Variants in TLE2 observed in about 807,000 individuals in gnomAD.
TLE2 encodes the protein transducin-like enhancer protein 2.
TLE2 carries 74 observed loss-of-function variants against 97.2 expected under a neutral mutation model. The ratio of observed to expected loss-of-function variants is 0.76; its 90% CI spans 0.63 to 0.92. TLE2 has a LOEUF of 0.92. Ranked by LOEUF, TLE2 falls within the 40% of genes least tolerant of loss-of-function variation. The pLI, the probability that TLE2 is intolerant of heterozygous loss-of-function variation, is 0.00. For missense variants in TLE2, 1,038 were observed against 1,008.7 expected (o/e 1.03, Z -0.39); for synonymous variants, 499 against 432.1 (o/e 1.15, Z -1.92).
At chr19:3,035,126 G>C (rs1474947780) in intron 1 of TLE2, among the ~76,000 whole-genome samples, 1 of 152,206 alleles carries the variant, frequency 6.6e-6, no homozygotes, top group Non-Finnish European at 1.5e-5. Flanking sequence ...CTTAGTGTGT[G>C]ATCCGCCAGG....
chr19:3,045,631 A>T, intron 1 of TLE2: 1 of 368,066 alleles, frequency 2.7e-6, no homozygotes, highest in Admixed American at 3.0e-5. Context: ...AGCCTGGCCA[A>T]CATGGTGAAA....
At chr19:3,047,251 C>A (rs911222670), upstream of TLE2, among the ~76,000 whole-genome samples, 8 of 141,382 alleles carry the variant, frequency 5.7e-5, no homozygotes, top group African/African-American at 2.1e-4. Flanking sequence ...AGGTCGCCCG[C>A]GGCGCAGTCG....
chr19:3,044,367 G>A (rs1376807725), intron 1 of TLE2, among the ~76,000 whole-genome samples: 1 of 152,130 alleles, frequency 6.6e-6, no homozygotes, highest in African/African-American at 2.4e-5. Context: ...CTGGCCTGTA[G>A]GGCAGGCAGG....
At chr19:3,042,132 C>T (rs973543831) in intron 1 of TLE2, among the ~76,000 whole-genome samples, 1 of 141,210 alleles carries the variant, frequency 7.1e-6, no homozygotes, top group Non-Finnish European at 1.5e-5. Flanking sequence ...CCCCGGGACC[C>T]GAGAAGGGGG....
chr19:3,016,346 C>T (rs1200500450), intron 8 of TLE2, among the ~76,000 whole-genome samples: 5 of 143,442 alleles, frequency 3.5e-5, no homozygotes, highest in Non-Finnish European at 6.0e-5. Context: ...GAGGCCGAGG[C>T]GGGCGGATCA....
chr19:3,019,356 G>A lies in TLE2; in HGVS notation c.477C>T (p.Ala159=), dbSNP rs1440489636. 1.9e-6 allele frequency: 3 copies of A among 1,564,324 alleles called. No individual in the cohort carries two copies. The highest frequency in any genetic ancestry group is 2.6e-6 in the Non-Finnish European group (3 of 1,162,870). Residue 159 remains alanine, a synonymous_variant, in exon 7 of 20, where the codon GCC becomes GCT. Coordinates refer to ENST00000262953, the MANE Select transcript of TLE2 (RefSeq NM_003260.5). This position sits in a 1 kb window ranked among gnomAD's most constrained non-coding sequence, Gnocchi z 5.1. ...CCGCCAGCTGAGCCTGGGCAGCCAG[G>A]GCTCCAGACAGAGCAAGCAGCCCCG... ...SATGLLALSG[A]LAAQAQLAAA...
chr19:3,039,247 GAATC>G (rs1273801052), intron 1 of TLE2, among the ~76,000 whole-genome samples: 3 of 142,132 alleles, frequency 2.1e-5, no homozygotes, highest in Non-Finnish European at 4.6e-5. Context: ...AAAAAAAAGT[GAATC>G]AGAGTCCATC....
intron 4 of TLE2, 29 bp from the exon 5 acceptor site, chr19:3,025,111 G>A (rs1225885591): frequency 6.3e-7 from 1 of 1,583,696 alleles, no homozygotes; most frequent in Non-Finnish European, 8.6e-7. Flanking sequence ...AGGAAGCTTG[G>A]AGCGGGGTAG....
rs1435378780 is a variant in TLE2, at chr19:3,009,698, C to T, written c.1017G>A (p.Leu339=). 2.5e-6 allele frequency: 4 copies of T among 1,610,308 alleles called. No individual in the cohort carries two copies. The highest frequency in any genetic ancestry group is 3.4e-6 in the Non-Finnish European group (4 of 1,178,588). ...KPAPSTDSVA[L]RSPLTLSSPF... The stretch of plus-strand genomic sequence containing the variant: ...GACTGGACAGAGTCAGGGGGCTCCT[C>T]AGGGCTGAGACGGAAGAGTCGGGGA... Residue 339 remains leucine (L), a synonymous_variant, in exon 13 of 20, where the codon CTG becomes CTA. Transcript: ENST00000262953.
chr19:3,035,987 C>T (rs1352808865), intron 1 of TLE2, among the ~76,000 whole-genome samples: 1 of 152,220 alleles, frequency 6.6e-6, no homozygotes, highest in East Asian at 1.9e-4. Context: ...GTGCAATATG[C>T]TACCAGCTAG....
chr19:3,044,117 G>A (rs1015653358), intron 1 of TLE2, among the ~76,000 whole-genome samples: 2 of 151,974 alleles, frequency 1.3e-5, no homozygotes, highest in African/African-American at 2.4e-5. Context: ...AGGTTGCAGT[G>A]GGCCGAGACC....
chr19:3,025,566 G>T, intron 4 of TLE2: 3 of 987,292 alleles, frequency 3.0e-6, no homozygotes, highest in Non-Finnish European at 3.6e-6. Flanking sequence ...AGCTGGGGAT[G>T]CCTCCAGGTG....
intron 1 of TLE2, among the ~76,000 whole-genome samples, chr19:3,037,490 T>A (rs114293261): frequency 0.011 from 1,735 of 152,292 alleles, 31 homozygotes; most frequent in African/African-American, 0.04. Context: ...AGCTTTGCTG[T>A]GTGGATCTGG....
At chr19:3,021,116 G>GGC (rs2089832018) in intron 5 of TLE2, among the ~76,000 whole-genome samples, 1 of 64,442 alleles carries the variant, frequency 1.6e-5, no homozygotes, top group African/African-American at 6.3e-5. Flanking sequence ...AAAAAAAAAG[G>GGC]GGGGGGGGTG....
At position 3,028,796 on chromosome 19, in the gene TLE2, A is replaced by G. The variant is rs1317456460; in HGVS notation, c.32T>C (p.Leu11Pro). 1.3e-6 allele frequency: 2 copies of G among 1,573,946 alleles called. No homozygotes were observed. Residue 11 changes from leucine (L) to proline (P), a missense_variant, in exon 2 of 20, where the codon CTC (leucine) becomes CCC (proline). Leu to Pro is a moderately conservative substitution (Grantham distance 98, BLOSUM62 -3). Transcript: ENST00000262953. MYPQGRHPTP[L>P]QSGQPFKFSI... ...GAACTTGAAGGGCTGGCCGGACTGGAGCGGGGTCTGGGGGGGGTGTGGGGG... is the reference window on the plus strand; with the variant it reads ...GAACTTGAAGGGCTGGCCGGACTGGGGCGGGGTCTGGGGGGGGTGTGGGGG...
intron 1 of TLE2, among the ~76,000 whole-genome samples, chr19:3,035,576 C>G (rs1415187115): frequency 6.6e-6 from 1 of 152,106 alleles, no homozygotes; most frequent in Admixed American, 6.5e-5. Flanking sequence ...GCGCTGGGAC[C>G]CCGGATTGCT....
chr19:3,037,678 C>G (rs1285496995), intron 1 of TLE2, among the ~76,000 whole-genome samples: 2 of 152,198 alleles, frequency 1.3e-5, no homozygotes, highest in South Asian at 4.1e-4. Flanking sequence ...GAACTCCAGC[C>G]TCTCCCTGAG....
intron 4 of TLE2, chr19:3,025,783 G>A (rs1326462041): frequency 1.0e-5 from 2 of 199,226 alleles, no homozygotes; most frequent in Non-Finnish European, 1.8e-5. Flanking sequence ...CAGGAGGGTG[G>A]AACTGGGATC....
In TLE2 at chr19:3,027,853, C is replaced by T; in HGVS notation, c.207G>A (p.Gly69=). 1.2e-6 allele frequency: 2 copies of T among 1,611,534 alleles called. No homozygotes were observed. The highest frequency in any genetic ancestry group is 1.7e-6 in the Non-Finnish European group (2 of 1,179,082). ...HYVMYYEMSY[G]LNIEMHKQAE... ...CCTGCTTATGCATTTCAATGTTGAG[C>T]CCGTACGACATCTCATAATACTGCA... The change falls in exon 4 of 20, where the codon GGG becomes GGA. Residue 69 remains glycine (G), a synonymous_variant. Coordinates refer to ENST00000262953, the MANE Select transcript of TLE2 (RefSeq NM_003260.5).
Sources: allele counts gnomAD v4.1 joint callset (sites outside exome capture counted in the v4.1 genomes callset), GRCh38; gene constraint gnomAD v4.1.1; non-coding constraint Gnocchi (gnomAD v3.1); transcripts MANE v1.5; gene names NCBI Gene and HGNC (gene_info 2026-07-23, HGNC 2026-07-21).